The following CNTNAP5 variants were observed in gnomAD, a reference collection of about 807,000 sequenced individuals.
CNTNAP5 encodes contactin-associated protein-like 5.
Under a neutral mutation model 150.2 loss-of-function variants are expected in CNTNAP5, and 72 were observed. The ratio of observed to expected loss-of-function variants is 0.48; its 90% CI spans 0.40 to 0.58. CNTNAP5 has a LOEUF of 0.58. Among genes scored for constraint, CNTNAP5 ranks in the 20% least tolerant of loss-of-function variants. CNTNAP5 has a pLI of 0.00. For missense variants in CNTNAP5, 1,636 were observed against 1,626.2 expected (o/e 1.01, Z -0.10); for synonymous variants, 672 against 619.8 (o/e 1.08, Z -1.25).
At chr2:124,160,139 G>A (rs1034163715) in intron 1 of CNTNAP5, among the ~76,000 whole-genome samples, 2 of 152,124 alleles carry the variant, frequency 1.3e-5, no homozygotes, top group African/African-American at 2.4e-5. Context: ...ACTCAGGAGA[G>A]CAGATGGTAT....
intron 3 of CNTNAP5, among the ~76,000 whole-genome samples, chr2:124,375,768 G>A (rs1055343210): frequency 1.3e-5 from 2 of 151,940 alleles, no homozygotes; most frequent in African/African-American, 4.8e-5. Context: ...ATTTTTGTGT[G>A]TCTAAAATTA....
At chr2:124,203,016 G>A (rs1685767342) in intron 1 of CNTNAP5, among the ~76,000 whole-genome samples, 1 of 151,994 alleles carries the variant, frequency 6.6e-6, no homozygotes, top group Admixed American at 6.6e-5. Context: ...GATCTCAAAA[G>A]TCCACAGTCC....
chr2:124,689,362 A>T (rs1425164918), intron 13 of CNTNAP5, among the ~76,000 whole-genome samples: 1 of 152,158 alleles, frequency 6.6e-6, no homozygotes, highest in East Asian at 1.9e-4. Flanking sequence ...GGACTGAGCA[A>T]TTCTTGGATC....
chr2:124,715,831 C>T (rs917057663), intron 13 of CNTNAP5, among the ~76,000 whole-genome samples: 8 of 152,054 alleles, frequency 5.3e-5, no homozygotes, highest in East Asian at 1.9e-4. Flanking sequence ...TCTGCCACCT[C>T]GTCTAATAGA....
At position 124,500,938 on chromosome 2, in the gene CNTNAP5, C is replaced by T. The variant is rs1306747814; in HGVS notation, c.1063-3354C>T. 5.3e-5 allele frequency among the ~76,000 whole-genome samples: 8 copies of T among 152,136 alleles called. No individual in the cohort carries two copies. The East Asian group carries it at 1.5e-3, about 29-fold the overall frequency. On this transcript the variant is annotated intron_variant, in intron 7 of 23. Transcript: ENST00000682447. ...CAGCAGTCACAGTCAGACAGAGGAG[C>T]CCACGGTTCAACTGGAGCTTTGGGG...
chr2:124,477,656 ATTTT>A (rs34441550), intron 7 of CNTNAP5, among the ~76,000 whole-genome samples: 10 of 127,458 alleles, frequency 7.8e-5, no homozygotes, highest in South Asian at 2.5e-4. Flanking sequence ...TGCTCATGAC[ATTTT>A]TTTTTTTTTT....
rs1695661188 is a variant in CNTNAP5, at chr2:124,552,930, A to T, written c.1650-10287A>T. ...TGGGTGTACCATCATTTATTTAACC[A>T]TTCCCTAAATGGTAGATTATCTATT... is the stretch of plus-strand genomic sequence containing the variant. On this transcript the variant is annotated intron_variant, in intron 10 of 23. Coordinates refer to ENST00000682447, the MANE Select transcript of CNTNAP5 (RefSeq NM_001367498.1). 1.3e-5 allele frequency among the ~76,000 whole-genome samples: 2 copies of T among 152,144 alleles called. 1 individual carries two copies. The highest frequency in any genetic ancestry group is 4.1e-4 in the South Asian group (2 of 4,828).
At chr2:124,298,697 A>AC (rs59573433) in intron 3 of CNTNAP5, among the ~76,000 whole-genome samples, 1,762 of 151,822 alleles carry the variant, frequency 0.012, 33 homozygotes, top group African/African-American at 0.041. Flanking sequence ...GTTCCTTCAG[A>AC]CCCCCCAATA....
In CNTNAP5 at chr2:124,419,952, CTTTCCTTT is replaced by C. The variant is rs1257931133; in HGVS notation, c.529+2364_529+2371del. 7.8e-3 allele frequency among the ~76,000 whole-genome samples: 592 copies of C among 75,694 alleles called. 11 individuals carry two copies. The highest frequency in any genetic ancestry group is 0.031 in the African/African-American group (548 of 17,808). The allele number at this position is 75,694 out of a possible 152,430, so 49.7% of individuals were successfully genotyped here. On this transcript the variant is annotated intron_variant, in intron 4 of 23. Coordinates refer to ENST00000682447, the MANE Select transcript of CNTNAP5 (RefSeq NM_001367498.1). ...TCTTTCTTTCTTTCTTTCTTTCTTT[CTTTCCTTT>C]TCTCTCTCTCTCTTTCTTTCTTTCT...
chr2:124,430,438 C>T (rs1692349721), intron 4 of CNTNAP5, among the ~76,000 whole-genome samples: 1 of 152,196 alleles, frequency 6.6e-6, no homozygotes, highest in Non-Finnish European at 1.5e-5. Flanking sequence ...GCTCCACACA[C>T]ATTATCCTAG....
At position 124,292,188 on chromosome 2, in the gene CNTNAP5, CT is replaced by C. The variant is rs567007941; in HGVS notation, c.381+49803del. ...GGGTGCTTTATTTAGTTTTATCTCT[CT>C]TTTTTTTATTCCCATTCAATATTGA... On this transcript the variant is annotated intron_variant, in intron 3 of 23. Coordinates refer to ENST00000682447, the MANE Select transcript of CNTNAP5 (RefSeq NM_001367498.1). Among the ~76,000 whole-genome samples the C allele has an allele frequency of 4.0e-3, 601 of 151,990 alleles. 3 individuals carry two copies. The highest frequency in any genetic ancestry group is 0.014 in the African/African-American group (582 of 41,478).
At chr2:124,451,164 C>T (rs1237125303) in intron 6 of CNTNAP5, among the ~76,000 whole-genome samples, 1 of 141,978 alleles carries the variant, frequency 7.0e-6, no homozygotes, top group East Asian at 2.2e-4. Context: ...ATTTGATTTA[C>T]ATATTATCAC....
chr2:124,108,833 A>AT (rs879260345), intron 1 of CNTNAP5, among the ~76,000 whole-genome samples: 1 of 152,136 alleles, frequency 6.6e-6, no homozygotes, highest in East Asian at 1.9e-4. Context: ...GTGATCAATT[A>AT]TTTTTTATCT....
At chr2:124,545,764 T>C (rs1558948145) in intron 10 of CNTNAP5, among the ~76,000 whole-genome samples, 1 of 152,074 alleles carries the variant, frequency 6.6e-6, no homozygotes, top group Non-Finnish European at 1.5e-5. Context: ...CAGGACACTC[T>C]TCAAAGCTAA....
At chr2:124,570,265 G>T (rs1201608415) in intron 11 of CNTNAP5, among the ~76,000 whole-genome samples, 1 of 152,180 alleles carries the variant, frequency 6.6e-6, no homozygotes, top group Non-Finnish European at 1.5e-5. Context: ...TCTTGAGAAA[G>T]TGAGAAAGTG....
chr2:124,588,509 C>A (rs776074350), intron 11 of CNTNAP5, among the ~76,000 whole-genome samples: 1 of 151,834 alleles, frequency 6.6e-6, no homozygotes, highest in African/African-American at 2.4e-5. Context: ...CAAGCCTTGC[C>A]GTATCTTTAC....
chr2:124,889,200 A>T (rs930073737), intron 21 of CNTNAP5, among the ~76,000 whole-genome samples: 3 of 149,916 alleles, frequency 2.0e-5, no homozygotes, highest in Non-Finnish European at 4.4e-5. Flanking sequence ...CCAGGTTTCA[A>T]GTGATTCTGC....
intron 18 of CNTNAP5, among the ~76,000 whole-genome samples, chr2:124,796,681 G>C (rs919553485): frequency 3.3e-5 from 5 of 152,214 alleles, no homozygotes; most frequent in African/African-American, 1.2e-4. Context: ...GAATTAGGAA[G>C]AAAAAGCCAG....
At chr2:124,887,244 A>G (rs2104744218) in intron 21 of CNTNAP5, among the ~76,000 whole-genome samples, 1 of 152,144 alleles carries the variant, frequency 6.6e-6, no homozygotes, top group African/African-American at 2.4e-5. Flanking sequence ...TTTTGTTGTC[A>G]ATATTCTTAT....
Sources: gnomAD v4.1 joint callset for allele counts (sites outside exome capture counted in the v4.1 genomes callset) on GRCh38, gnomAD v4.1.1 for gene constraint, MANE v1.5 for transcripts, NCBI Gene and HGNC (gene_info 2026-07-23, HGNC 2026-07-21) for gene names.